Variants in CCDC171 observed in about 807,000 individuals in gnomAD.
The protein encoded by CCDC171 is coiled-coil domain containing 171.
CCDC171 carries 177 observed loss-of-function variants against 168.2 expected under a neutral mutation model. The ratio of observed to expected loss-of-function variants is 1.05; its 90% confidence interval spans 0.93 to 1.19. CCDC171 has a LOEUF of 1.19. Ranked by LOEUF, CCDC171 falls within the 50% of genes most tolerant of loss-of-function variation. The pLI, the probability that CCDC171 is intolerant of heterozygous loss-of-function variation, is 0.00. For missense variants in CCDC171, 1,991 were observed against 1,539.0 expected, an observed-to-expected ratio of 1.29 and a Z score of -4.91; for synonymous variants, 687 against 540.8, an observed-to-expected ratio of 1.27 and a Z score of -3.75.
At chr9:15,741,941 C>T (rs903545545) in intron 16 of CCDC171, among the ~76,000 whole-genome samples, 1 of 152,174 alleles carries the variant, frequency 6.6e-6, no homozygotes, top group Non-Finnish European at 1.5e-5. Flanking sequence ...TATCTACATG[C>T]ACAATTTTTA....
intron 25 of CCDC171, among the ~76,000 whole-genome samples, chr9:15,933,884 A>C (rs1826804862): frequency 6.6e-6 from 1 of 152,026 alleles, no homozygotes; most frequent in African/African-American, 2.4e-5. Flanking sequence ...ATGGATTCTT[A>C]GATATGACAC....
intron 23 of CCDC171, among the ~76,000 whole-genome samples, chr9:15,868,091 G>A (rs1477324233): frequency 6.6e-6 from 1 of 151,936 alleles, no homozygotes; most frequent in Non-Finnish European, 1.5e-5. Flanking sequence ...TTCTGTAATT[G>A]GGATGTAACT....
intron 9 of CCDC171, among the ~76,000 whole-genome samples, chr9:15,672,095 G>T (rs929963757): frequency 3.3e-5 from 5 of 152,186 alleles, no homozygotes; most frequent in African/African-American, 1.2e-4. Context: ...TTTCTCTGAT[G>T]ACCAGTGATC....
chr9:15,846,925 C>T, intron 22 of CCDC171, 78 bp downstream of exon 22: 3 of 1,325,424 alleles, frequency 2.3e-6, no homozygotes, highest in Non-Finnish European at 2.1e-6. Flanking sequence ...GGGTTTTAGC[C>T]CTGGATAATA....
the CCDC171 span, among the ~76,000 whole-genome samples, chr9:16,070,425 C>T: frequency 3.3e-5 from 5 of 152,162 alleles, no homozygotes; most frequent in African/African-American, 9.7e-5. Flanking sequence ...CCAGGGAGGA[C>T]CTGGCTCTCA....
At chr9:15,671,004 A>G (rs1254941615) in intron 9 of CCDC171, among the ~76,000 whole-genome samples, 2 of 152,062 alleles carry the variant, frequency 1.3e-5, no homozygotes, top group Non-Finnish European at 2.9e-5. Context: ...AGGTATAAGG[A>G]TTGCTTATGC....
At chr9:15,864,112 C>A (rs1478266691) in intron 23 of CCDC171, among the ~76,000 whole-genome samples, 1 of 151,972 alleles carries the variant, frequency 6.6e-6, no homozygotes, top group South Asian at 2.1e-4. Context: ...TGTAAACTTT[C>A]AGTTAGCTTC....
At chr9:15,564,582 G>A (rs1439603161) in intron 2 of CCDC171, among the ~76,000 whole-genome samples, 3 of 152,114 alleles carry the variant, frequency 2.0e-5, no homozygotes, top group Non-Finnish European at 4.4e-5. Context: ...GTATCTCTCA[G>A]TTTACCCTTC....
intron 9 of CCDC171, among the ~76,000 whole-genome samples, chr9:15,678,453 A>T (rs189317355): frequency 6.6e-6 from 1 of 152,124 alleles, no homozygotes; most frequent in African/African-American, 2.4e-5. Flanking sequence ...AGCTAATTGA[A>T]CTACGGTAGG....
intron 24 of CCDC171, among the ~76,000 whole-genome samples, chr9:15,891,936 G>C (rs1407824319): frequency 6.6e-6 from 1 of 152,092 alleles, no homozygotes; most frequent in African/African-American, 2.4e-5. Context: ...GGACGCATGA[G>C]GATGGGAAAG....
At chr9:15,874,506 C>T in intron 23 of CCDC171, 26 bp from the exon 24 acceptor site, 5 of 1,571,008 alleles carry the variant, frequency 3.2e-6, no homozygotes, top group Non-Finnish European at 3.5e-6. Context: ...GGGGAATTAC[C>T]ATTGATGCTG....
intron 1 of CCDC171, among the ~76,000 whole-genome samples, chr9:16,055,464 C>G (rs149506223): frequency 1.0e-3 from 153 of 152,234 alleles, no homozygotes; most frequent in Non-Finnish European, 1.8e-3. Flanking sequence ...GAAGAACCTG[C>G]TGAGGGAGGG....
At chr9:15,750,821 C>T (rs2055682810) in intron 18 of CCDC171, among the ~76,000 whole-genome samples, 1 of 152,170 alleles carries the variant, frequency 6.6e-6, no homozygotes, top group African/African-American at 2.4e-5. Flanking sequence ...CAGCCAATAT[C>T]ATACTGAATG....
intron 1 of CCDC171, chr9:16,042,903 A>G (rs1024855108): frequency 6.6e-6 from 1 of 152,218 alleles, no homozygotes. Flanking sequence ...AAGTGCACCA[A>G]GGACAAGGCG....
rs141530295 is a variant in CCDC171, at chr9:15,724,525, T to C, written c.1492-251T>C. On this transcript the variant is annotated intron_variant, in intron 13 of 25. Transcript: ENST00000380701. ...AAGGAAACTCCCTTGGAAGAACTTT[T>C]TGGAATAAGCCATCATATTAACATT... Among the ~76,000 whole-genome samples the C allele has an allele frequency of 3.0e-3, 450 of 152,334 alleles. 2 individuals are homozygous for C. The highest frequency in any genetic ancestry group is 4.6e-3 in the Non-Finnish European group (313 of 68,028).
chr9:15,791,197 A>G (rs1479758804), intron 21 of CCDC171, among the ~76,000 whole-genome samples: 4 of 152,180 alleles, frequency 2.6e-5, no homozygotes, highest in African/African-American at 7.2e-5. Context: ...CGGTATGGCC[A>G]TTTTCACGAT....
At chr9:15,566,824 C>T (rs577691373) in intron 2 of CCDC171, among the ~76,000 whole-genome samples, 2 of 152,128 alleles carry the variant, frequency 1.3e-5, no homozygotes, top group South Asian at 2.1e-4. Flanking sequence ...ATATTTAGTG[C>T]TCTATTTTAA....
chr9:15,768,195 A>AT (rs2056835857), intron 18 of CCDC171, among the ~76,000 whole-genome samples: 1 of 151,402 alleles, frequency 6.6e-6, no homozygotes, highest in African/African-American at 2.4e-5. Flanking sequence ...AGTTTCCTAA[A>AT]AAAAAAAAAC....
chr9:15,647,820 A>C (rs543509454), intron 7 of CCDC171, among the ~76,000 whole-genome samples: 100 of 152,312 alleles, frequency 6.6e-4, no homozygotes, highest in African/African-American at 2.4e-3. Flanking sequence ...CCAGAGGTAC[A>C]AGGAGGAGTT....
Sources: gnomAD v4.1 joint callset for allele counts (sites outside exome capture counted in the v4.1 genomes callset) on GRCh38, gnomAD v4.1.1 for gene constraint, MANE v1.5 for transcripts, NCBI Gene and HGNC (gene_info 2026-07-23, HGNC 2026-07-21) for gene names.